SHANK2: variants seen among roughly 807,000 people sequenced by gnomAD.
SHANK2 encodes SH3 and multiple ankyrin repeat domains 2.
In SHANK2, 43 loss-of-function variants were observed where a neutral mutation model predicts 133.7. That is an observed-to-expected ratio of 0.32 (90% CI 0.25 to 0.41). The LOEUF is 0.41. Ranked by LOEUF, SHANK2 falls within the 10% of genes least tolerant of loss-of-function variation. The pLI, the probability that SHANK2 is intolerant of heterozygous loss-of-function variation, is 1.00. For missense variants in SHANK2, 1,994 were observed against 2,235.8 expected, an observed-to-expected ratio of 0.89 and a Z score of 2.18; for synonymous variants, 1,017 against 952.8, an observed-to-expected ratio of 1.07 and a Z score of -1.24.
At chr11:70,634,886 A>G (rs958579234) in intron 17 of SHANK2, 3 of 152,200 alleles carry the variant, frequency 2.0e-5, no homozygotes, top group Non-Finnish European at 2.9e-5. Context: ...AAAATGGGTA[A>G]AGGACTTGAA....
At chr11:70,636,343 G>C (rs11237004) in intron 17 of SHANK2, among the ~76,000 whole-genome samples, 6,545 of 152,252 alleles carry the variant, frequency 0.043, 165 homozygotes, top group South Asian at 0.07. Flanking sequence ...GTGTGAATGC[G>C]TGTTAGTACA....
rs537810748 is a variant in SHANK2 at position 70,500,932 on chromosome 11, C to T, written c.2288-342G>A. On this transcript the variant is annotated intron_variant, in intron 20 of 25. Transcript: ENST00000601538. The surrounding 1 kb of genome is among the most constrained non-coding windows in gnomAD (Gnocchi z 4.5). ...TCAGAGCAGACATGAGCAGAGGTGG[C>T]GGGGCCAGCCTTTAGAGTGCACCTG... Among the ~76,000 whole-genome samples the T allele has an allele frequency of 3.9e-5, 6 of 152,340 alleles. No individual in the cohort carries two copies. The highest frequency in any genetic ancestry group is 2.1e-4 in the South Asian group (1 of 4,828).
chr11:70,553,078 C>T (rs2059790006), intron 17 of SHANK2, among the ~76,000 whole-genome samples: 1 of 152,082 alleles, frequency 6.6e-6, no homozygotes. Context: ...CTAATGGCCT[C>T]ATTTGACTTT....
intron 9 of SHANK2, among the ~76,000 whole-genome samples, chr11:71,069,732 G>C (rs1029772660): frequency 5.3e-5 from 8 of 152,212 alleles, no homozygotes; most frequent in Non-Finnish European, 8.8e-5. Flanking sequence ...GGCTAGTCCA[G>C]ATGAAACCCA....
intron 17 of SHANK2, among the ~76,000 whole-genome samples, chr11:70,642,973 T>C (rs1565207341): frequency 6.6e-6 from 1 of 152,160 alleles, no homozygotes; most frequent in African/African-American, 2.4e-5. Context: ...GAAATACATG[T>C]TGGAGGTGAC....
At chr11:71,133,346 A>ATGGCTGGC (rs57172693) in intron 3 of SHANK2, among the ~76,000 whole-genome samples, 1 of 111,882 alleles carries the variant, frequency 8.9e-6, no homozygotes, top group Non-Finnish European at 1.8e-5. Context: ...GGGAGGATGC[A>ATGGCTGGC]TGGCTGGCTG....
Position 70,486,547 on chromosome 11 carries a change from A to G in SHANK2, c.3746T>C (p.Ile1249Thr). The change falls in exon 25 of 26, where the codon ATT (isoleucine) becomes ACT (threonine). Residue 1249 changes from isoleucine (I) to threonine (T), a missense_variant. Physicochemically the swap from Ile to Thr is moderately conservative, Grantham distance 89. This residue lies in a region of SHANK2 where 797 missense variants were observed against 907.4 expected (regional missense o/e 0.88). Transcript: ENST00000601538. This position sits in a 1 kb window ranked among gnomAD's most constrained non-coding sequence, Gnocchi z 8.0. ...PKADLNKPLY[I>T]DTKMRPSLDA... is the part of the protein sequence containing the mutation. ...CAGGCTGGGCCGCATTTTGGTATCA[A>G]TGTAAAGAGGTTTGTTGAGGTCGGC... The G allele has an allele frequency of 6.2e-7, 1 of 1,614,068 alleles. No homozygotes were observed. The highest frequency in any genetic ancestry group is 8.5e-7 in the Non-Finnish European group (1 of 1,180,032).
intron 17 of SHANK2, among the ~76,000 whole-genome samples, chr11:70,567,970 G>T (rs569797178): frequency 3.3e-5 from 5 of 152,198 alleles, no homozygotes; most frequent in Non-Finnish European, 5.9e-5. Flanking sequence ...AACTCAGCGA[G>T]GAGACGGGCA....
At chr11:70,866,980 G>A (rs1949370774) in intron 11 of SHANK2, among the ~76,000 whole-genome samples, 1 of 152,126 alleles carries the variant, frequency 6.6e-6, no homozygotes, top group Non-Finnish European at 1.5e-5. Flanking sequence ...TCTCACCCCA[G>A]CAGACAAGGC....
At chr11:70,755,467 C>T (rs1555038608) in intron 14 of SHANK2, among the ~76,000 whole-genome samples, 1 of 152,218 alleles carries the variant, frequency 6.6e-6, no homozygotes, top group African/African-American at 2.4e-5. Flanking sequence ...CCCATCCCTG[C>T]CCTGTGAGCG....
chr11:71,139,761 C>T (rs1555105438), intron 3 of SHANK2, among the ~76,000 whole-genome samples: 3 of 152,168 alleles, frequency 2.0e-5, no homozygotes, highest in Admixed American at 6.5e-5. Context: ...CTGCGTGGCC[C>T]GGGAAGCCCA....
intron 17 of SHANK2, among the ~76,000 whole-genome samples, chr11:70,650,188 C>T (rs1213507480): frequency 6.6e-6 from 1 of 152,176 alleles, no homozygotes; most frequent in Non-Finnish European, 1.5e-5. Flanking sequence ...GAGTGGGGCT[C>T]AAAGCAGATG....
At chr11:70,758,903 G>A (rs1013676315) in intron 14 of SHANK2, among the ~76,000 whole-genome samples, 10 of 152,142 alleles carry the variant, frequency 6.6e-5, no homozygotes, top group Admixed American at 2.6e-4. Flanking sequence ...GCTCACGCCT[G>A]TAATCCCAGC....
At chr11:70,645,532 T>C (rs1215467354) in intron 17 of SHANK2, among the ~76,000 whole-genome samples, 1 of 152,180 alleles carries the variant, frequency 6.6e-6, no homozygotes, top group Non-Finnish European at 1.5e-5. Context: ...CCGGAAAAGA[T>C]GAGGCTGGGC....
chr11:71,217,929 C>T (rs1429437423), intron 2 of SHANK2, among the ~76,000 whole-genome samples: 3 of 152,186 alleles, frequency 2.0e-5, no homozygotes, highest in African/African-American at 7.2e-5. Context: ...TGGCTCACTG[C>T]CAACTCTGCC....
intron 14 of SHANK2, among the ~76,000 whole-genome samples, chr11:70,710,018 T>G (rs1452119313): frequency 6.6e-6 from 1 of 152,006 alleles, no homozygotes; most frequent in African/African-American, 2.4e-5. Flanking sequence ...CCGCTGGACT[T>G]GAAATTCAGA....
Position 70,645,392 on chromosome 11 carries a change from C to T in SHANK2, c.2061+14436G>A, listed in dbSNP as rs563222879. On this transcript the variant is annotated intron_variant, in intron 17 of 25. Coordinates refer to ENST00000601538, the MANE Select transcript of SHANK2 (RefSeq NM_012309.5). ...GACATGGGGCTGCTGGGCACACAGC[C>T]TGTTCTCCAGGAACAACAACAACAA... Among the ~76,000 whole-genome samples the T allele has an allele frequency of 1.4e-4, 21 of 152,152 alleles. 1 individual carries two copies. In the South Asian group the frequency reaches 4.4e-3, roughly 32 times the overall value.
chr11:70,599,919 GAAAGAAAGAAAGAAAGAAA>G, intron 17 of SHANK2, among the ~76,000 whole-genome samples: 1 of 59,182 alleles, frequency 1.7e-5, no homozygotes, highest in South Asian at 4.4e-4. Flanking sequence ...AAGAAAGAAA[GAAAGAAAGAAAGAAAGAAA>G]GAAAGAAAGA....
chr11:70,561,015 C>CCA (rs1195809220), intron 17 of SHANK2, among the ~76,000 whole-genome samples: 4 of 152,104 alleles, frequency 2.6e-5, no homozygotes, highest in South Asian at 2.1e-4. Flanking sequence ...AGAGATAGCC[C>CCA]CACACACACA....
Sources: gnomAD v4.1 joint callset for allele counts (sites outside exome capture counted in the v4.1 genomes callset) on GRCh38, gnomAD v4.1.1 for gene constraint, gnomAD v4.1.1 regional missense constraint, Gnocchi (gnomAD v3.1) non-coding constraint, MANE v1.5 for transcripts, NCBI Gene and HGNC (gene_info 2026-07-23, HGNC 2026-07-21) for gene names.